The following UBAP2 variants were observed in gnomAD, a reference collection of about 807,000 sequenced individuals.
UBAP2 encodes ubiquitin-associated protein 2.
In UBAP2, 75 loss-of-function variants were observed where a neutral mutation model predicts 139.6. The observed-to-expected ratio is 0.54, with a 90% confidence interval of 0.45 to 0.65. UBAP2 has a LOEUF of 0.65. Among genes scored for constraint, UBAP2 ranks in the 30% least tolerant of loss-of-function variants. UBAP2 has a pLI of 0.00. For missense variants in UBAP2, 1,368 were observed against 1,369.6 expected (o/e 1.00, Z 0.02); for synonymous variants, 526 against 526.2 (o/e 1.00, Z 0.01).
intron 2 of UBAP2, among the ~76,000 whole-genome samples, chr9:34,016,274 A>T (rs1195417710): frequency 5.3e-5 from 1 of 19,044 alleles, no homozygotes; most frequent in Non-Finnish European, 1.5e-4. Flanking sequence ...GAGGAAGAGA[A>T]GGAGGAAGAG....
intron 1 of UBAP2, among the ~76,000 whole-genome samples, chr9:34,020,373 T>C (rs1824824734): frequency 6.6e-6 from 1 of 151,258 alleles, no homozygotes; most frequent in Non-Finnish European, 1.5e-5. Context: ...CAGGCTGGAG[T>C]GCAACGAATA....
At chr9:33,992,637 C>A (rs1821810693) in intron 4 of UBAP2, among the ~76,000 whole-genome samples, 1 of 100,924 alleles carries the variant, frequency 9.9e-6, no homozygotes, top group South Asian at 2.9e-4. Context: ...ATGAGCTCTA[C>A]AAAGACAACT....
chr9:34,017,875 C>G (rs937425339), intron 1 of UBAP2, among the ~76,000 whole-genome samples: 12 of 151,236 alleles, frequency 7.9e-5, no homozygotes, highest in Admixed American at 2.0e-4. Context: ...TGCAGTCAGC[C>G]GAGATCGCGT....
intron 8 of UBAP2, among the ~76,000 whole-genome samples, chr9:33,969,842 G>T (rs1462308335): frequency 6.6e-6 from 1 of 150,730 alleles, no homozygotes; most frequent in Admixed American, 6.6e-5. Context: ...CTCCAGCCTG[G>T]GTGACAGAGA....
rs1362409834 is a variant in UBAP2 at position 33,976,961 on chromosome 9, G to A, written c.521-3724C>T. 6.6e-5 allele frequency among the ~76,000 whole-genome samples: 10 copies of A among 151,574 alleles called. 1 individual carries two copies. The South Asian group carries it at 8.4e-4, about 13-fold the overall frequency. On this transcript the variant is annotated intron_variant, in intron 6 of 28. Coordinates refer to ENST00000379238, the MANE Select transcript of UBAP2 (RefSeq NM_001370062.2). The stretch of plus-strand genomic sequence containing the variant: ...TGGGAGGCAGCAGTCGCAGTGAGCC[G>A]AGATGGCGCCACTGCACTCCAGCCT...
intron 4 of UBAP2, among the ~76,000 whole-genome samples, chr9:33,992,389 CAAAAAAA>C (rs33969994): frequency 7.5e-5 from 6 of 80,026 alleles, no homozygotes; most frequent in African/African-American, 2.6e-4. Flanking sequence ...AACTCCATCT[CAAAAAAA>C]AAAAAAAAAA....
Position 33,943,452 on chromosome 9 carries a change from C to T in UBAP2, c.1683G>A (p.Gln561=), listed in dbSNP as rs1214816185. The change falls in exon 15 of 29, where the codon CAG becomes CAA. Residue 561 remains glutamine, a synonymous_variant. Coordinates refer to ENST00000379238, the MANE Select transcript of UBAP2 (RefSeq NM_001370062.2). ...GSAPSSENSN[Q]IPISLYSKSL... is the part of the protein sequence containing the mutation. ...ACTTCGAATACAAGCTGATGGGAAT[C>T]TGATTACTATTTTCACTGCTTGGAG... The T allele has an allele frequency of 6.2e-7, 1 of 1,614,166 alleles. No homozygotes were observed. Among genetic ancestry groups the T allele is most frequent in the South Asian group, 1.1e-5 (1 of 91,082 alleles).
At chr9:34,010,440 A>AG (rs979752212) in intron 2 of UBAP2, among the ~76,000 whole-genome samples, 1 of 151,540 alleles carries the variant, frequency 6.6e-6, no homozygotes, top group Non-Finnish European at 1.5e-5. Context: ...AAAAAAAAAA[A>AG]AAAAAAAAAG....
At chr9:33,984,974 T>C (rs1051056405) in intron 6 of UBAP2, among the ~76,000 whole-genome samples, 8 of 152,126 alleles carry the variant, frequency 5.3e-5, no homozygotes, top group Admixed American at 2.0e-4. Context: ...CAGATGCTGG[T>C]GAAGATACAG....
At chr9:33,956,057 T>A (rs747841926) in intron 11 of UBAP2, 22 bp downstream of exon 11, 1 of 1,590,376 alleles carries the variant, frequency 6.3e-7, no homozygotes, top group Non-Finnish European at 8.6e-7. Flanking sequence ...ATAACAAATA[T>A]AAGATGGCAA....
chr9:33,989,656 G>A (rs1821530861), intron 4 of UBAP2, among the ~76,000 whole-genome samples: 1 of 152,120 alleles, frequency 6.6e-6, no homozygotes, highest in South Asian at 2.1e-4. Flanking sequence ...TAGCTGACCT[G>A]ACAAAATACT....
chr9:33,995,482 T>C (rs1449161808), intron 4 of UBAP2: 1 of 135,312 alleles, frequency 7.4e-6, no homozygotes, highest in Non-Finnish European at 1.5e-5. Flanking sequence ...TATAAATATA[T>C]TTATATTATT....
At position 33,981,780 on chromosome 9, in the gene UBAP2, T is replaced by TAGGAAGGA. The variant is rs972167715; in HGVS notation, c.520+4972_520+4979dup. Among the ~76,000 whole-genome samples, 41 of 114,830 alleles carry TAGGAAGGA rather than the reference T, an allele frequency of 3.6e-4. 1 individual carries two copies. The South Asian group carries it at 8.8e-3, about 25-fold the overall frequency. 75.3% of individuals were successfully genotyped at this position (114,830 alleles called of 152,430 possible). A position where few individuals can be genotyped will look rare whatever the true frequency, so the allele number is the denominator to read the frequency against. On this transcript the variant is annotated intron_variant, in intron 6 of 28. Transcript: ENST00000379238. ...GAAGGTAGGTAGGTAGGTAGGAAGG[T>TAGGAAGGA]AGGAAGGAAGGAAGGAAGGAAGGAA...
At chr9:33,996,154 G>C in intron 4 of UBAP2, 69 bp downstream of exon 4, 1 of 1,205,802 alleles carries the variant, frequency 8.3e-7, no homozygotes, top group Non-Finnish European at 1.2e-6. Context: ...CCCAAACAAG[G>C]TGAAGTTGAA....
chr9:33,925,482 A>G (rs1823349150), intron 22 of UBAP2, among the ~76,000 whole-genome samples: 1 of 152,232 alleles, frequency 6.6e-6, no homozygotes, highest in Non-Finnish European at 1.5e-5. Flanking sequence ...TCTCTAAGGC[A>G]CAAAGTGATA....
intron 16 of UBAP2, among the ~76,000 whole-genome samples, chr9:33,940,703 C>T (rs922431808): frequency 2.0e-5 from 3 of 152,118 alleles, no homozygotes; most frequent in Non-Finnish European, 2.9e-5. Context: ...TCACTGAGCC[C>T]GGGAGGTCAA....
At chr9:33,929,266 C>T (rs1340057303) in intron 19 of UBAP2, among the ~76,000 whole-genome samples, 1 of 152,210 alleles carries the variant, frequency 6.6e-6, no homozygotes, top group South Asian at 2.1e-4. Context: ...CTAAGAGATG[C>T]TCACTAGGGA....
In UBAP2 at chr9:33,989,008, T is replaced by C. The variant is rs1417986023; in HGVS notation, c.407A>G (p.Asn136Ser). The C allele has an allele frequency of 6.2e-7, 1 of 1,613,806 alleles. No individual in the cohort carries two copies. Among genetic ancestry groups the C allele is most frequent in the South Asian group, 1.1e-5 (1 of 90,976 alleles). ...KESSRGRGNN[N>S]RKGRGGNRGR... ...ACGATTGCCGCCTCTTCCTTTCCGG[T>C]TGTTGTTTCCACGTCCACGACTCGA... Residue 136 changes from asparagine (N) to serine (S), a missense_variant, in exon 5 of 29, where the codon AAC becomes AGC. By Grantham distance (46) the Asn-to-Ser change is conservative. Coordinates refer to ENST00000379238, the MANE Select transcript of UBAP2 (RefSeq NM_001370062.2).
chr9:34,010,251 C>A (rs1440040544), intron 2 of UBAP2, among the ~76,000 whole-genome samples: 3 of 149,988 alleles, frequency 2.0e-5, no homozygotes, highest in Non-Finnish European at 4.4e-5. Context: ...TGGTGAAACC[C>A]CGTCTCAACT....
Sources: gnomAD v4.1 joint callset for allele counts (sites outside exome capture counted in the v4.1 genomes callset) on GRCh38, gnomAD v4.1.1 for gene constraint, MANE v1.5 for transcripts, NCBI Gene and HGNC (gene_info 2026-07-23, HGNC 2026-07-21) for gene names.